The following FAM110B variants were observed in gnomAD, a reference collection of about 807,000 sequenced individuals.
The protein encoded by FAM110B is family with sequence similarity 110 member B.
FAM110B carries 6 observed loss-of-function variants against 20.4 expected under a neutral mutation model. The ratio of observed to expected loss-of-function variants is 0.29; its 90% CI spans 0.16 to 0.58. The LOEUF is 0.58. FAM110B is among the 20% of genes least tolerant of loss of function. The pLI is 0.90. For synonymous variants in FAM110B, 226 were observed against 214.1 expected (o/e 1.06, Z -0.49); for missense variants, 434 against 498.2 (o/e 0.87, Z 1.23).
At chr8:58,029,145 G>A (rs562640617) in intron 1 of FAM110B, among the ~76,000 whole-genome samples, 1 of 152,192 alleles carries the variant, frequency 6.6e-6, no homozygotes, top group African/African-American at 2.4e-5. Context: ...CAGTGAATAC[G>A]AATTCAGTCT....
chr8:58,017,633 C>T (rs547328966), intron 1 of FAM110B, among the ~76,000 whole-genome samples: 2 of 152,168 alleles, frequency 1.3e-5, no homozygotes, highest in Non-Finnish European at 2.9e-5. Flanking sequence ...TTGGAAAATT[C>T]TGAGTGACAT....
chr8:58,108,405 A>C lies in FAM110B; in HGVS notation c.-325+32782A>C, dbSNP rs1806972508. On this transcript the variant is annotated intron_variant, in intron 3 of 3. Coordinates refer to ENST00000519262, the MANE Select transcript of FAM110B (RefSeq NM_001377989.1). ...ACACCTTCAGAACGGTTGTAGGAGC[A>C]CAAAGAGTCAGCCTGGTGTCACTTG... 2.6e-5 allele frequency among the ~76,000 whole-genome samples: 4 copies of C among 152,248 alleles called. No homozygotes were observed. The South Asian group carries it at 8.3e-4, about 32-fold the overall frequency.
At chr8:58,105,999 A>G (rs1476716644) in intron 3 of FAM110B, among the ~76,000 whole-genome samples, 7 of 152,342 alleles carry the variant, frequency 4.6e-5, no homozygotes, top group Admixed American at 3.9e-4. Context: ...CCCAATATAA[A>G]TAAATACACT....
At position 58,122,723 on chromosome 8, in the gene FAM110B, T is replaced by C. The variant is rs1202861390; in HGVS notation, c.-324-23184T>C. Among the ~76,000 whole-genome samples the C allele has an allele frequency of 5.3e-5, 8 of 152,328 alleles. No individual in the cohort carries two copies. In the East Asian group the frequency reaches 7.7e-4, roughly 15 times the overall value. On this transcript the variant is annotated intron_variant, in intron 3 of 3. Coordinates refer to ENST00000519262, the MANE Select transcript of FAM110B (RefSeq NM_001377989.1). Reference sequence around the variant, plus strand: ...TAGGCCTTTTGAAGTTCTCTGCAAATGTCCTTTGCATATCTTGTTTTCCTT... The same window carrying C: ...TAGGCCTTTTGAAGTTCTCTGCAAACGTCCTTTGCATATCTTGTTTTCCTT...
chr8:58,052,789 T>C (rs1340358456), intron 2 of FAM110B, among the ~76,000 whole-genome samples: 3 of 130,440 alleles, frequency 2.3e-5, no homozygotes, highest in African/African-American at 8.7e-5. Flanking sequence ...TTTTTTTTTT[T>C]TTTTTTTTTT....
chr8:58,136,158 C>T (rs1231437139), intron 3 of FAM110B, among the ~76,000 whole-genome samples: 5 of 151,940 alleles, frequency 3.3e-5, no homozygotes, highest in South Asian at 2.1e-4. Flanking sequence ...ATTACAGGCA[C>T]GTGCCACCAC....
chr8:58,110,700 C>T (rs1219982387), intron 3 of FAM110B, among the ~76,000 whole-genome samples: 1 of 151,984 alleles, frequency 6.6e-6, no homozygotes, highest in African/African-American at 2.4e-5. Context: ...ATTACATTTC[C>T]TTTTTTATTT....
At chr8:58,014,471 T>C (rs966014780) in intron 1 of FAM110B, among the ~76,000 whole-genome samples, 10 of 152,068 alleles carry the variant, frequency 6.6e-5, no homozygotes, top group African/African-American at 2.4e-4. Context: ...ATCTGAAAAG[T>C]GTGTAGTGCT....
At chr8:57,999,597 T>C (rs1042767200) in intron 1 of FAM110B, among the ~76,000 whole-genome samples, 7 of 152,304 alleles carry the variant, frequency 4.6e-5, no homozygotes, top group Admixed American at 3.9e-4. Flanking sequence ...GTTTACTAAG[T>C]TCCTCTACTA....
At chr8:58,137,655 C>A (rs1228285328) in intron 3 of FAM110B, among the ~76,000 whole-genome samples, 1 of 152,144 alleles carries the variant, frequency 6.6e-6, no homozygotes, top group Non-Finnish European at 1.5e-5. Context: ...TCACCCCAGC[C>A]AGTGAAGTGT....
intron 1 of FAM110B, among the ~76,000 whole-genome samples, chr8:58,001,753 G>C (rs1016935229): frequency 6.6e-6 from 1 of 152,118 alleles, no homozygotes; most frequent in Non-Finnish European, 1.5e-5. Context: ...AGATACTTAA[G>C]TATCTTCATT....
At chr8:58,062,516 A>G (rs532757802) in intron 2 of FAM110B, among the ~76,000 whole-genome samples, 10 of 152,350 alleles carry the variant, frequency 6.6e-5, no homozygotes, top group African/African-American at 2.2e-4. Context: ...AAATGGAAAT[A>G]TCTTTCTGAC....
chr8:58,054,985 C>A (rs1805520972), intron 2 of FAM110B, among the ~76,000 whole-genome samples: 1 of 151,798 alleles, frequency 6.6e-6, no homozygotes, highest in Non-Finnish European at 1.5e-5. Context: ...AAGTAATTCT[C>A]CAAAGTGGTA....
chr8:58,010,068 G>A (rs759873358), intron 1 of FAM110B, among the ~76,000 whole-genome samples: 22 of 152,254 alleles, frequency 1.4e-4, no homozygotes, highest in Middle Eastern at 3.4e-3. Flanking sequence ...CCAGGCTGGA[G>A]TGCAGTGGCA....
chr8:58,115,052 T>C (rs1192184591), intron 3 of FAM110B, among the ~76,000 whole-genome samples: 1 of 151,896 alleles, frequency 6.6e-6, no homozygotes, highest in Non-Finnish European at 1.5e-5. Flanking sequence ...CTGTAAATTC[T>C]AGGCAAATCG....
chr8:58,119,666 T>C (rs1218964621), intron 3 of FAM110B, among the ~76,000 whole-genome samples: 1 of 152,184 alleles, frequency 6.6e-6, no homozygotes, highest in Non-Finnish European at 1.5e-5. Context: ...CTGTAGGATA[T>C]ATCCAGACCC....
At chr8:58,138,238 C>T (rs907894984) in intron 3 of FAM110B, among the ~76,000 whole-genome samples, 14 of 152,234 alleles carry the variant, frequency 9.2e-5, no homozygotes, top group African/African-American at 3.4e-4. Context: ...CGCCTCTGCT[C>T]AGCTAGTGGA....
At chr8:58,016,009 T>C (rs1046070671) in intron 1 of FAM110B, among the ~76,000 whole-genome samples, 6 of 152,154 alleles carry the variant, frequency 3.9e-5, no homozygotes, top group Non-Finnish European at 7.4e-5. Flanking sequence ...ATTTATATGG[T>C]TTAATTATAT....
intron 3 of FAM110B, among the ~76,000 whole-genome samples, chr8:58,120,895 G>A (rs930271797): frequency 5.3e-5 from 8 of 152,190 alleles, no homozygotes; most frequent in African/African-American, 1.9e-4. Context: ...CCCTCCCAGA[G>A]CCAACATCCA....
Sources: gnomAD v4.1 joint callset for allele counts (sites outside exome capture counted in the v4.1 genomes callset) on GRCh38, gnomAD v4.1.1 for gene constraint, MANE v1.5 for transcripts, NCBI Gene and HGNC (gene_info 2026-07-23, HGNC 2026-07-21) for gene names.